The following NUDT19 variants were observed in gnomAD, a reference collection of about 807,000 sequenced individuals.
NUDT19 encodes acyl-coenzyme A diphosphatase NUDT19.
Under a neutral mutation model 22.2 loss-of-function variants are expected in NUDT19, and 31 were observed. The observed-to-expected ratio is 1.40, with a 90% CI of 1.05 to 1.89. NUDT19 has a LOEUF of 1.89. Ranked by LOEUF, NUDT19 falls within the 40% of genes most tolerant of loss-of-function variation. NUDT19 has a pLI of 0.00. For synonymous variants in NUDT19, 325 were observed against 230.8 expected (o/e 1.41, Z -3.70); for missense variants, 752 against 514.2 (o/e 1.46, Z -4.47).
At chr19:32,699,925 G>A (rs1434869621) in intron 1 of NUDT19, among the ~76,000 whole-genome samples, 1 of 152,132 alleles carries the variant, frequency 6.6e-6, no homozygotes, top group African/African-American at 2.4e-5. Flanking sequence ...ACAGACCTTT[G>A]CAGTGAGTGT....
At position 32,692,319 on chromosome 19, in the gene NUDT19, A is replaced by G. The variant is rs200303712; in HGVS notation, c.359A>G (p.Glu120Gly). ...HKTDNTGTLPEDVAFRICAVR... is the reference protein window; with the variant it reads ...HKTDNTGTLPGDVAFRICAVR... ...ACCGACAACACTGGGACGCTGCCTG[A>G]GGACGTAGCCTTCCGCATCTGCGCC... Residue 120 changes from glutamate (E) to glycine (G), a missense_variant, in exon 1 of 3, where the codon GAG becomes GGG. Transcript: ENST00000397061. The G allele has an allele frequency of 4.4e-6, 7 of 1,592,650 alleles. No homozygotes were observed. The highest frequency in any genetic ancestry group is 5.9e-6 in the Non-Finnish European group (7 of 1,177,484).
intron 1 of NUDT19, among the ~76,000 whole-genome samples, chr19:32,708,413 C>T (rs1163498473): frequency 6.8e-6 from 1 of 147,170 alleles, no homozygotes; most frequent in Non-Finnish European, 1.5e-5. Context: ...GGTGACAGAG[C>T]GAGACTCCGT....
At chr19:32,694,937 G>A (rs1040911072) in intron 1 of NUDT19, among the ~76,000 whole-genome samples, 1 of 152,038 alleles carries the variant, frequency 6.6e-6, no homozygotes, top group African/African-American at 2.4e-5. Flanking sequence ...TTCCTTAATC[G>A]CCCAGGAGGA....
intron 1 of NUDT19, 34 bp from the exon 2 acceptor site, chr19:32,709,151 A>G: frequency 6.9e-7 from 1 of 1,459,352 alleles, no homozygotes; most frequent in East Asian, 2.3e-5. Context: ...TCTATGGCAT[A>G]AACCTTAAGA....
At chr19:32,696,650 G>C (rs539009680) in intron 1 of NUDT19, among the ~76,000 whole-genome samples, 124 of 152,266 alleles carry the variant, frequency 8.1e-4, no homozygotes, top group African/African-American at 2.9e-3. Context: ...TCCCTAATAA[G>C]GGTGTGGGAC....
chr19:32,697,621 A>G (rs897982236), intron 1 of NUDT19, among the ~76,000 whole-genome samples: 8 of 152,146 alleles, frequency 5.3e-5, no homozygotes, highest in Non-Finnish European at 1.0e-4. Flanking sequence ...CGGCTTGCTG[A>G]CTAGTAAGGA....
Position 32,711,935 on chromosome 19 carries a change from T to C in NUDT19, c.1106T>C (p.Val369Ala), listed in dbSNP as rs1243620244. The C allele has an allele frequency of 6.2e-7, 1 of 1,613,764 alleles. No individual in the cohort carries two copies. ...KYKHVYPKNS[V>A]VRKSHL ...AAACACGTTTATCCTAAGAACTCTG[T>C]AGTAAGAAAAAGCCATTTGTAGGGT... The change falls in exon 3 of 3, where the codon GTA becomes GCA. Residue 369 changes from valine to alanine, a missense_variant. Transcript: ENST00000397061.
intron 1 of NUDT19, among the ~76,000 whole-genome samples, chr19:32,706,754 G>A (rs1254929723): frequency 1.3e-5 from 2 of 152,138 alleles, no homozygotes; most frequent in Non-Finnish European, 2.9e-5. Context: ...TTTTATCATA[G>A]GTGTGTATGT....
Position 32,692,055 on chromosome 19 carries a change from CG to C in NUDT19, c.96del (p.Pro33ArgfsTer90), listed in dbSNP as rs1968188732. The C allele has an allele frequency of 3.1e-6, 4 of 1,291,216 alleles. No homozygotes were observed. Among genetic ancestry groups the C allele is most frequent in the Non-Finnish European group, 3.9e-6 (4 of 1,024,086 alleles). 80.0% of individuals were successfully genotyped at this position (1,291,216 alleles called of 1,614,324 possible). On this transcript the variant is annotated frameshift_variant, in exon 1 of 3. Coordinates refer to ENST00000397061, the MANE Select transcript of NUDT19 (RefSeq NM_001105570.2). LOFTEE classifies it high-confidence loss of function. ...AGWSRPETATPPSRPPPAEGF... is the reference protein window; with the variant it reads ...AGWSRPETATXPSRPPPAEGF... ...TGGTCGCGCCCGGAGACCGCCACCC[CG>C]CCGTCGCGCCCGCCGCCGGCCGAGG...
chr19:32,704,150 G>C (rs138691632), intron 1 of NUDT19, among the ~76,000 whole-genome samples: 14 of 152,056 alleles, frequency 9.2e-5, no homozygotes, highest in Non-Finnish European at 1.8e-4. Context: ...CTTTGGCTAG[G>C]TATAAAATTC....
chr19:32,708,426 CAAA>C (rs564998068), intron 1 of NUDT19, among the ~76,000 whole-genome samples: 1 of 91,170 alleles, frequency 1.1e-5, no homozygotes, highest in Non-Finnish European at 2.3e-5. Flanking sequence ...GACTCCGTCT[CAAA>C]AAAAAAAAAA....
intron 1 of NUDT19, among the ~76,000 whole-genome samples, chr19:32,697,972 G>A (rs976443701): frequency 1.3e-5 from 2 of 152,168 alleles, no homozygotes; most frequent in Non-Finnish European, 2.9e-5. Context: ...GGGCGTTTGT[G>A]ATCCTTTGGA....
At chr19:32,710,485 A>C (rs1599803942) in intron 2 of NUDT19, among the ~76,000 whole-genome samples, 1 of 150,272 alleles carries the variant, frequency 6.7e-6, no homozygotes, top group African/African-American at 2.4e-5. Flanking sequence ...CCAGCTGCTC[A>C]GGAGGCTGAG....
rs1160434246 is a variant in NUDT19 at position 32,692,107 on chromosome 19, C to T, written c.147C>T (p.Arg49=). The part of the protein sequence containing the change: ...AEGFRLLLLQ[R]SPHQGFMPGA... Reference sequence around the variant, plus strand: ...GCTTCCGGCTGCTGCTGCTGCAGCGCTCCCCGCACCAAGGCTTCATGCCGG... The same window carrying T: ...GCTTCCGGCTGCTGCTGCTGCAGCGTTCCCCGCACCAAGGCTTCATGCCGG... Residue 49 remains arginine (R), a synonymous_variant, in exon 1 of 3, where the codon CGC becomes CGT. Transcript: ENST00000397061. 4 of 1,421,500 alleles carry T rather than the reference C, an allele frequency of 2.8e-6. No individual in the cohort carries two copies. Among genetic ancestry groups the T allele is most frequent in the South Asian group, 1.5e-5 (1 of 67,740 alleles). 88.1% of individuals were successfully genotyped at this position (1,421,500 alleles called of 1,614,324 possible). A position where few individuals can be genotyped will look rare whatever the true frequency, so the allele number is the denominator to read the frequency against.
At chr19:32,702,636 G>A (rs1968347873) in intron 1 of NUDT19, among the ~76,000 whole-genome samples, 2 of 152,264 alleles carry the variant, frequency 1.3e-5, no homozygotes, top group South Asian at 4.1e-4. Context: ...TGTGTTTCTT[G>A]CAGGCAGCAT....
chr19:32,697,575 G>T (rs193017859), intron 1 of NUDT19, among the ~76,000 whole-genome samples: 61 of 152,276 alleles, frequency 4.0e-4, no homozygotes, highest in African/African-American at 1.5e-3. Context: ...TCTGAGTCGA[G>T]GTCCCAGTGG....
Position 32,692,199 on chromosome 19 carries a change from T to C in NUDT19, c.239T>C (p.Phe80Ser). Residue 80 changes from phenylalanine (F) to serine (S), a missense_variant, in exon 1 of 3, where the codon TTC (phenylalanine) becomes TCC (serine). Phe to Ser is a radical substitution (Grantham distance 155, BLOSUM62 -2). Transcript: ENST00000397061. ...CGCTCGGCGGACTGGCTGGGCCTCT[T>C]CGCGCCGCACCACGGGCCGCCGCGC... ...ADRSADWLGL[F>S]APHHGPPRFG... The C allele has an allele frequency of 6.4e-7, 1 of 1,574,666 alleles. No individual in the cohort carries two copies. Among genetic ancestry groups the C allele is most frequent in the Non-Finnish European group, 8.5e-7 (1 of 1,170,084 alleles).
In NUDT19 at chr19:32,692,633, C is replaced by T. The variant is rs754443557; in HGVS notation, c.673C>T (p.Pro225Ser). 8.5e-6 allele frequency: 13 copies of T among 1,533,958 alleles called. No individual in the cohort carries two copies. In the South Asian group the frequency reaches 1.4e-4, roughly 16 times the overall value. The change falls in exon 1 of 3, where the codon CCG becomes TCG. Residue 225 changes from proline to serine, a missense_variant. Coordinates refer to ENST00000397061, the MANE Select transcript of NUDT19 (RefSeq NM_001105570.2). ...AFFLCCLREP[P>S]PVYPDLAEVV... Reference sequence around the variant, plus strand: ...CTTCCTGTGCTGCCTGCGCGAGCCGCCGCCCGTCTACCCCGACTTGGCGGA... The same window carrying T: ...CTTCCTGTGCTGCCTGCGCGAGCCGTCGCCCGTCTACCCCGACTTGGCGGA...
chr19:32,693,395 G>A (rs943367901), intron 1 of NUDT19, among the ~76,000 whole-genome samples: 9 of 152,206 alleles, frequency 5.9e-5, no homozygotes, highest in African/African-American at 1.4e-4. Context: ...CTTCAGGAGC[G>A]AAGCTGCAGA....
Sources: gnomAD v4.1 joint callset for allele counts (sites outside exome capture counted in the v4.1 genomes callset) on GRCh38, gnomAD v4.1.1 for gene constraint, MANE v1.5 for transcripts, NCBI Gene and HGNC (gene_info 2026-07-23, HGNC 2026-07-21) for gene names.